Variants in BMPER observed in about 807,000 individuals in gnomAD.
BMPER encodes the protein BMP-binding endothelial regulator protein.
In BMPER, 45 loss-of-function variants were observed where a neutral mutation model predicts 87.3. The ratio of observed to expected loss-of-function variants is 0.52; its 90% CI spans 0.41 to 0.66. BMPER has a LOEUF of 0.66. Among genes scored for constraint, BMPER ranks in the 30% least tolerant of loss-of-function variants. BMPER has a pLI of 0.00. For missense variants in BMPER, 784 were observed against 867.5 expected (o/e 0.90, Z 1.21); for synonymous variants, 326 against 316.2 (o/e 1.03, Z -0.33).
intron 13 of BMPER, among the ~76,000 whole-genome samples, chr7:34,135,479 G>T (rs1431776783): frequency 6.6e-6 from 1 of 152,188 alleles, no homozygotes; most frequent in Admixed American, 6.5e-5. Context: ...GTCATAACCA[G>T]CAGATCTGCT....
At chr7:33,924,482 C>T (rs1018650520) in intron 2 of BMPER, among the ~76,000 whole-genome samples, 3 of 152,158 alleles carry the variant, frequency 2.0e-5, no homozygotes, top group Non-Finnish European at 2.9e-5. Flanking sequence ...CCCCTCTCAC[C>T]GTGCTCCAGC....
chr7:33,954,732 C>G (rs1785110100), intron 3 of BMPER, among the ~76,000 whole-genome samples: 1 of 152,184 alleles, frequency 6.6e-6, no homozygotes, highest in Admixed American at 6.5e-5. Flanking sequence ...CTACAGCTCC[C>G]ATGAGTGCCT....
intron 6 of BMPER, 137 bp downstream of exon 6, chr7:33,974,921 C>T (rs773172661): frequency 1.9e-5 from 17 of 880,792 alleles, no homozygotes; most frequent in Non-Finnish European, 2.8e-5. Context: ...GATGTGGAGC[C>T]GAGGGAAAAG....
chr7:34,068,375 T>G (rs1341650326), intron 11 of BMPER, among the ~76,000 whole-genome samples: 1 of 152,236 alleles, frequency 6.6e-6, no homozygotes, highest in Non-Finnish European at 1.5e-5. Context: ...AGAGAAGGTC[T>G]GGAGGGCTTT....
chr7:34,035,917 A>T (rs1787650690), intron 6 of BMPER, among the ~76,000 whole-genome samples: 1 of 152,150 alleles, frequency 6.6e-6, no homozygotes, highest in African/African-American at 2.4e-5. Flanking sequence ...TTCATTGGTG[A>T]TGTCTTGGGT....
intron 6 of BMPER, among the ~76,000 whole-genome samples, chr7:34,014,624 T>A (rs1786972586): frequency 6.6e-6 from 1 of 151,934 alleles, no homozygotes; most frequent in East Asian, 1.9e-4. Context: ...CCTCCCCATC[T>A]GGGGAGATTC....
rs554040421 is a variant in BMPER, at chr7:33,938,770, A to G, written c.319+1382A>G. ...GTTGGGCATGGTGGCTCACACCTGT[A>G]ATCCCAGCACTTTGGGAGGCCAAAG... On this transcript the variant is annotated intron_variant, in intron 3 of 14. Coordinates refer to ENST00000649409, the MANE Select transcript of BMPER (RefSeq NM_001365308.1). Among the ~76,000 whole-genome samples the G allele has an allele frequency of 1.4e-4, 21 of 152,300 alleles. 1 individual carries two copies. The South Asian group carries it at 1.5e-3, about 11-fold the overall frequency.
intron 6 of BMPER, among the ~76,000 whole-genome samples, chr7:34,012,226 T>G (rs1786902783): frequency 6.6e-6 from 1 of 151,918 alleles, no homozygotes; most frequent in African/African-American, 2.4e-5. Flanking sequence ...CAGTTTGATT[T>G]CCTATGAGGG....
In BMPER at chr7:34,142,437, A is replaced by G. The variant is rs575868293; in HGVS notation, c.1746-793A>G. Among the ~76,000 whole-genome samples the G allele has an allele frequency of 1.6e-4, 24 of 152,338 alleles. No individual in the cohort carries two copies. In the South Asian group the frequency reaches 5.0e-3, roughly 32 times the overall value. On this transcript the variant is annotated intron_variant, in intron 13 of 14. Transcript: ENST00000649409. ...TTTGTAAACTGTAATATTATACACTAATGTAAGGCCATTATTATGTCTTTG... is the reference window on the plus strand; with the variant it reads ...TTTGTAAACTGTAATATTATACACTGATGTAAGGCCATTATTATGTCTTTG...
intron 6 of BMPER, among the ~76,000 whole-genome samples, chr7:33,987,221 T>C (rs572518306): frequency 6.6e-6 from 1 of 152,302 alleles, no homozygotes; most frequent in African/African-American, 2.4e-5. Context: ...AATGTTCGAT[T>C]TGGAGGGTGG....
chr7:34,032,343 C>T (rs1302326766), intron 6 of BMPER, among the ~76,000 whole-genome samples: 8 of 152,002 alleles, frequency 5.3e-5, no homozygotes, highest in East Asian at 1.9e-4. Flanking sequence ...TAGATCTTCT[C>T]GTGTCATCAG....
At chr7:34,042,707 G>A (rs188438790) in intron 6 of BMPER, 1 of 152,330 alleles carries the variant, frequency 6.6e-6, no homozygotes, top group East Asian at 1.9e-4. Context: ...CTGTGTGGTA[G>A]CTCTGCCTTT....
intron 12 of BMPER, 96 bp from the exon 13 acceptor site, chr7:34,085,660 C>G (rs1789178906): frequency 8.5e-7 from 1 of 1,175,082 alleles, no homozygotes; most frequent in Admixed American, 2.0e-5. Flanking sequence ...TATTGGAGGA[C>G]AGTCAGTCAT....
chr7:33,947,132 A>T (rs143724975), intron 3 of BMPER, among the ~76,000 whole-genome samples: 14 of 152,186 alleles, frequency 9.2e-5, no homozygotes, highest in African/African-American at 2.9e-4. Flanking sequence ...ATTTGAAAAA[A>T]CTCAATATTG....
chr7:34,038,748 T>C (rs1487506604), intron 6 of BMPER, among the ~76,000 whole-genome samples: 1 of 152,212 alleles, frequency 6.6e-6, no homozygotes, highest in Non-Finnish European at 1.5e-5. Context: ...CTTTGTTTGC[T>C]ATTTTTATGG....
At chr7:33,986,493 C>T (rs759145846) in intron 6 of BMPER, among the ~76,000 whole-genome samples, 2 of 152,150 alleles carry the variant, frequency 1.3e-5, no homozygotes, top group Non-Finnish European at 2.9e-5. Context: ...ACTTTTCTAC[C>T]TTCCTACTTT....
In BMPER at chr7:34,153,149, C is replaced by CCT; in HGVS notation, c.1934_1935insCT (p.Asp647ValfsTer47). 6.2e-7 allele frequency: 1 copy of CCT among 1,614,014 alleles called. No homozygotes were observed. The highest frequency in any genetic ancestry group is 1.1e-5 in the South Asian group (1 of 91,076). On this transcript the variant is annotated frameshift_variant, in exon 15 of 15. Transcript: ENST00000649409. LOFTEE classifies it high-confidence loss of function. ...ACCTGTGGTCCGGGATGTATCAAGA[C>CCT]GTGTGACAACTGGAATGAAATTGGT...
chr7:34,103,272 C>A (rs188107477), intron 13 of BMPER, among the ~76,000 whole-genome samples: 1 of 152,296 alleles, frequency 6.6e-6, no homozygotes. Flanking sequence ...TAATGCCCAA[C>A]TATTGAAAAG....
At chr7:33,930,146 T>G (rs1784448099) in intron 2 of BMPER, among the ~76,000 whole-genome samples, 1 of 152,210 alleles carries the variant, frequency 6.6e-6, no homozygotes, top group Admixed American at 6.5e-5. Flanking sequence ...TTGGGTCCTT[T>G]TCCCTTTCAG....
Sources: allele counts gnomAD v4.1 joint callset (sites outside exome capture counted in the v4.1 genomes callset), GRCh38; gene constraint gnomAD v4.1.1; transcripts MANE v1.5; gene names NCBI Gene and HGNC (gene_info 2026-07-23, HGNC 2026-07-21).